The following VPS13B variants were observed in gnomAD, a reference collection of about 807,000 sequenced individuals.
VPS13B encodes the protein vacuolar protein sorting 13 homolog B.
A neutral mutation model predicts 426.4 loss-of-function variants in VPS13B; 285 were observed. The ratio of observed to expected loss-of-function variants is 0.67; its 90% CI spans 0.61 to 0.74. The LOEUF is 0.74. Among genes scored for constraint, VPS13B ranks in the 30% least tolerant of loss-of-function variants. The probability of loss-of-function intolerance (pLI) is 0.00; values close to 1 mark genes in which losing one functional copy is unlikely to be tolerated. For synonymous variants in VPS13B, 1,676 were observed against 1,676.4 expected (o/e 1.00, Z 0.01); for missense variants, 4,537 against 4,782.6 (o/e 0.95, Z 1.51).
Position 99,642,302 on chromosome 8 carries a change from T to C in VPS13B, c.5712T>C (p.Ala1904=), listed in dbSNP as rs1829402173. The C allele has an allele frequency of 6.2e-7, 1 of 1,614,036 alleles. No individual in the cohort carries two copies. The highest frequency in any genetic ancestry group is 8.5e-7 in the Non-Finnish European group (1 of 1,180,008). ...ESLHASTRSS[A]RQALGITIVR... ...TTCATGCATCCACAAGGTCATCTGCTAGACAAGCACTTGGTATAACTATTG... is the reference window on the plus strand; with the variant it reads ...TTCATGCATCCACAAGGTCATCTGCCAGACAAGCACTTGGTATAACTATTG... The change falls in exon 34 of 62, where the codon GCT becomes GCC. Residue 1904 remains alanine (A), a synonymous_variant. Transcript: ENST00000357162.
At position 99,849,002 on chromosome 8, in the gene VPS13B, G is replaced by T. The variant is rs1050862476; in HGVS notation, c.10061+108G>T. The T allele has an allele frequency of 3.7e-6, 4 of 1,076,786 alleles. No homozygotes were observed. In the East Asian group the frequency reaches 9.5e-5, roughly 26 times the overall value. The allele number at this position is 1,076,786 out of a possible 1,614,324, so 66.7% of individuals were successfully genotyped here. ...TCCACATAATGTATTAAAGCTTTTG[G>T]TTAATTATCATGTAATCCATAAAAA... is the stretch of plus-strand genomic sequence containing the variant. On this transcript the variant is annotated intron_variant, in intron 55 of 61. Coordinates refer to ENST00000357162, the MANE Select transcript of VPS13B (RefSeq NM_152564.5).
At chr8:99,873,890 C>T (rs1376127304) in intron 61 of VPS13B, among the ~76,000 whole-genome samples, 3 of 152,144 alleles carry the variant, frequency 2.0e-5, no homozygotes, top group African/African-American at 7.2e-5. Flanking sequence ...TGAACACTTC[C>T]AGTGAAGACT....
At chr8:99,309,692 A>C (rs943504614) in intron 19 of VPS13B, among the ~76,000 whole-genome samples, 2 of 152,172 alleles carry the variant, frequency 1.3e-5, no homozygotes, top group Non-Finnish European at 2.9e-5. Flanking sequence ...TATGAACTTT[A>C]AAGTAGTTTT....
intron 16 of VPS13B, among the ~76,000 whole-genome samples, chr8:99,173,021 T>C (rs1812437705): frequency 6.6e-6 from 1 of 152,172 alleles, no homozygotes; most frequent in Admixed American, 6.6e-5. Flanking sequence ...AATTATTACT[T>C]ATATATATCA....
At chr8:99,367,282 G>A (rs72672388) in intron 19 of VPS13B, among the ~76,000 whole-genome samples, 122 of 152,202 alleles carry the variant, frequency 8.0e-4, no homozygotes, top group Non-Finnish European at 1.2e-3. Context: ...CTATTCTAGG[G>A]TAAAAGGTTT....
intron 33 of VPS13B, among the ~76,000 whole-genome samples, chr8:99,637,987 A>G (rs1048223602): frequency 2.6e-5 from 4 of 152,056 alleles, no homozygotes; most frequent in Non-Finnish European, 5.9e-5. Flanking sequence ...TTGATTTCAC[A>G]TTTGACTGCT....
chr8:99,053,986 G>A (rs950674036), intron 3 of VPS13B, among the ~76,000 whole-genome samples: 5 of 152,204 alleles, frequency 3.3e-5, no homozygotes, highest in African/African-American at 1.2e-4. Flanking sequence ...TTACGGGCGT[G>A]AGCCACCACG....
At chr8:99,154,311 G>C (rs1336420237) in intron 14 of VPS13B, among the ~76,000 whole-genome samples, 1 of 151,618 alleles carries the variant, frequency 6.6e-6, no homozygotes, top group African/African-American at 2.4e-5. Flanking sequence ...TGTGGAATTC[G>C]TATTACATGT....
intron 21 of VPS13B, among the ~76,000 whole-genome samples, chr8:99,396,270 A>G (rs1278634980): frequency 1.3e-5 from 2 of 152,174 alleles, no homozygotes; most frequent in Non-Finnish European, 2.9e-5. Context: ...TTAGAAATAA[A>G]TGATACACTG....
chr8:99,143,652 G>A (rs1266440965), intron 13 of VPS13B, among the ~76,000 whole-genome samples: 1 of 152,168 alleles, frequency 6.6e-6, no homozygotes, highest in Admixed American at 6.5e-5. Context: ...AGCAACTCTA[G>A]AGTAGAGCAT....
intron 21 of VPS13B, among the ~76,000 whole-genome samples, chr8:99,395,857 G>T (rs958867875): frequency 2.0e-5 from 3 of 151,970 alleles, no homozygotes; most frequent in African/African-American, 7.3e-5. Flanking sequence ...CTACGTTGAG[G>T]TATTTACAAG....
At chr8:99,061,783 ATGTCC>A (rs750590331) in intron 3 of VPS13B, among the ~76,000 whole-genome samples, 2 of 152,170 alleles carry the variant, frequency 1.3e-5, no homozygotes, top group Non-Finnish European at 2.9e-5. Context: ...GCTCCTCTTC[ATGTCC>A]TGTCATGATT....
At chr8:99,802,450 A>AT (rs915952265) in intron 43 of VPS13B, among the ~76,000 whole-genome samples, 23 of 152,054 alleles carry the variant, frequency 1.5e-4, no homozygotes, top group African/African-American at 2.9e-4. Flanking sequence ...CCTATTAGAC[A>AT]TTTTTTTTAT....
intron 33 of VPS13B, among the ~76,000 whole-genome samples, chr8:99,637,482 T>C (rs1829118984): frequency 1.3e-5 from 2 of 152,114 alleles, no homozygotes; most frequent in South Asian, 4.1e-4. Context: ...AGGTCATTGG[T>C]TCAAATTCCA....
At chr8:99,051,493 G>A (rs1843550422) in intron 3 of VPS13B, among the ~76,000 whole-genome samples, 1 of 151,732 alleles carries the variant, frequency 6.6e-6, no homozygotes, top group Non-Finnish European at 1.5e-5. Flanking sequence ...TTTTGGCTTA[G>A]GATTGACTTG....
At chr8:99,581,870 G>A (rs564332418) in intron 33 of VPS13B, among the ~76,000 whole-genome samples, 58 of 152,206 alleles carry the variant, frequency 3.8e-4, no homozygotes, top group Non-Finnish European at 5.0e-4. Flanking sequence ...TATCTAGCTC[G>A]CTGCGATAGT....
At chr8:99,337,111 C>T (rs1448372389) in intron 19 of VPS13B, among the ~76,000 whole-genome samples, 1 of 151,978 alleles carries the variant, frequency 6.6e-6, no homozygotes, top group Non-Finnish European at 1.5e-5. Context: ...TTGGAACCAA[C>T]CGAAATGTCC....
chr8:99,662,267 C>G (rs1830259775), intron 35 of VPS13B, among the ~76,000 whole-genome samples: 1 of 152,046 alleles, frequency 6.6e-6, no homozygotes, highest in Non-Finnish European at 1.5e-5. Flanking sequence ...CTTCCTTCAT[C>G]TCATGTTCTT....
chr8:99,811,015 G>A (rs1411898831), intron 44 of VPS13B, among the ~76,000 whole-genome samples: 1 of 152,160 alleles, frequency 6.6e-6, no homozygotes, highest in Non-Finnish European at 1.5e-5. Flanking sequence ...ACATGAATCT[G>A]CTGTCAATGA....
Sources: allele counts gnomAD v4.1 joint callset (sites outside exome capture counted in the v4.1 genomes callset), GRCh38; gene constraint gnomAD v4.1.1; transcripts MANE v1.5; gene names NCBI Gene and HGNC (gene_info 2026-07-23, HGNC 2026-07-21).